The following NECTIN1 variants were observed in gnomAD, a reference collection of about 807,000 sequenced individuals.
The protein encoded by NECTIN1 is nectin cell adhesion molecule 1.
A neutral mutation model predicts 48.0 loss-of-function variants in NECTIN1; 23 were observed. The ratio of observed to expected loss-of-function variants is 0.48; its 90% CI spans 0.34 to 0.68. The LOEUF (loss-of-function observed/expected upper bound fraction) is 0.68. Ranked by LOEUF, NECTIN1 falls within the 30% of genes least tolerant of loss-of-function variation. The pLI is 0.01. For missense variants in NECTIN1, 591 were observed against 709.9 expected (o/e 0.83, Z 1.90); for synonymous variants, 270 against 288.9 (o/e 0.93, Z 0.66).
chr11:119,675,128 C>A (rs371469326), intron 5 of NECTIN1, 31 bp downstream of exon 5: 3 of 1,613,630 alleles, frequency 1.9e-6, no homozygotes, highest in Non-Finnish European at 2.5e-6. Context: ...CCCGTGGGTG[C>A]GGAGAGGCTG....
At position 119,648,394 on chromosome 11, in the gene NECTIN1, A is replaced by ATGGTGGTGATGGTGGTGGTGGTGGTGG; in HGVS notation, c.1004-8383_1004-8382insCCACCACCACCACCACCATCACCACCA. ...GGTGGTGATGGTGGTGGTGGTGGTG[A>ATGGTGGTGATGGTGGTGGTGGTGGTGG]TGGTGGTGATGGTGATGGTGGTGGT... On this transcript the variant is annotated intron_variant, in intron 5 of 7. Coordinates refer to the NECTIN1 transcript ENST00000341398. Among the ~76,000 whole-genome samples, 19 of 6,674 alleles carry ATGGTGGTGATGGTGGTGGTGGTGGTGG rather than the reference A, an allele frequency of 2.8e-3. 5 individuals are homozygous for ATGGTGGTGATGGTGGTGGTGGTGGTGG. The highest frequency in any genetic ancestry group is 3.6e-3 in the Non-Finnish European group (14 of 3,924). 4.4% of individuals were successfully genotyped at this position (6,674 alleles called of 152,430 possible).
chr11:119,694,829 G>A (rs1591471430), intron 1 of NECTIN1, among the ~76,000 whole-genome samples: 1 of 152,246 alleles, frequency 6.6e-6, no homozygotes, highest in African/African-American at 2.4e-5. Context: ...GCCCCCCCAG[G>A]CATCTTGCCC....
chr11:119,702,232 C>T (rs1743625397), intron 1 of NECTIN1, among the ~76,000 whole-genome samples: 1 of 152,226 alleles, frequency 6.6e-6, no homozygotes, highest in African/African-American at 2.4e-5. Flanking sequence ...CAGCTCTGAG[C>T]AACCAAGGCA....
At chr11:119,717,771 G>A (rs976007512) in intron 1 of NECTIN1, among the ~76,000 whole-genome samples, 1 of 152,234 alleles carries the variant, frequency 6.6e-6, no homozygotes, top group Non-Finnish European at 1.5e-5. Context: ...GGCACCTGCA[G>A]GCCCGGGGGT....
chr11:119,661,553 G>A lies in NECTIN1; in HGVS notation c.*3194C>T, dbSNP rs536746735. 1.7e-3 allele frequency: 1,700 copies of A among 985,808 alleles called. 1 individual carries two copies. The highest frequency in any genetic ancestry group is 2.0e-3 in the Non-Finnish European group (1,635 of 829,954). 61.1% of individuals were successfully genotyped at this position (985,808 alleles called of 1,614,324 possible). Reference sequence around the variant, plus strand: ...GAGCACTACCCTCCTCCCAGAAGAGGGGACATCCGTGTCTGCTTGGCTCAG... The same window carrying A: ...GAGCACTACCCTCCTCCCAGAAGAGAGGACATCCGTGTCTGCTTGGCTCAG... On this transcript the variant is annotated 3_prime_UTR_variant, in exon 6 of 6. Transcript: ENST00000264025.
intron 1 of NECTIN1, among the ~76,000 whole-genome samples, chr11:119,696,905 G>C (rs1865348813): frequency 6.6e-6 from 1 of 152,180 alleles, no homozygotes; most frequent in African/African-American, 2.4e-5. Context: ...TAGTGAGATA[G>C]CCGCGCGATG....
Position 119,664,564 on chromosome 11 carries a change from T to G in NECTIN1, c.*183A>C. The G allele has an allele frequency of 1.4e-6, 2 of 1,426,036 alleles. No homozygotes were observed. Among genetic ancestry groups the G allele is most frequent in the Non-Finnish European group, 9.2e-7 (1 of 1,092,764 alleles). The allele number at this position is 1,426,036 out of a possible 1,614,324, so 88.3% of individuals were successfully genotyped here. ...GGAAGGGCGGAGGAGAGGGAGGAAA[T>G]AAAACACAAAGCCAAGTCGTGGCTG... On this transcript the variant is annotated 3_prime_UTR_variant, in exon 6 of 6. Coordinates refer to ENST00000264025, the MANE Select transcript of NECTIN1 (RefSeq NM_002855.5).
chr11:119,695,245 A>C (rs1178720292), intron 1 of NECTIN1, among the ~76,000 whole-genome samples: 1 of 151,652 alleles, frequency 6.6e-6, no homozygotes, highest in Non-Finnish European at 1.5e-5. Context: ...TAAACTACTT[A>C]TCAGGCCTTC....
At chr11:119,652,567 A>G (rs772732218) in intron 5 of NECTIN1, among the ~76,000 whole-genome samples, 2 of 152,198 alleles carry the variant, frequency 1.3e-5, no homozygotes, top group Non-Finnish European at 2.9e-5. Context: ...TACATCTCTG[A>G]TAGTCATATG....
At chr11:119,706,896 T>C (rs557945076) in intron 1 of NECTIN1, among the ~76,000 whole-genome samples, 3 of 152,334 alleles carry the variant, frequency 2.0e-5, no homozygotes, top group African/African-American at 7.2e-5. Flanking sequence ...CGGAAGAAAC[T>C]GAGGACCAGA....
At chr11:119,685,439 C>T (rs1287441041) in intron 1 of NECTIN1, among the ~76,000 whole-genome samples, 1 of 152,204 alleles carries the variant, frequency 6.6e-6, no homozygotes, top group Non-Finnish European at 1.5e-5. Context: ...ATCTTCCAGA[C>T]AGGCCAGGCT....
chr11:119,680,251 G>A (rs1865035082), intron 1 of NECTIN1, among the ~76,000 whole-genome samples: 1 of 152,102 alleles, frequency 6.6e-6, no homozygotes, highest in African/African-American at 2.4e-5. Context: ...TCAGCACTAG[G>A]CTGTACACTC....
chr11:119,703,894 G>A (rs1378371981), intron 1 of NECTIN1, among the ~76,000 whole-genome samples: 3 of 152,190 alleles, frequency 2.0e-5, no homozygotes, highest in Admixed American at 1.3e-4. Flanking sequence ...CCAGGATGCC[G>A]GGCTCGGAAC....
chr11:119,664,810 C>G lies in NECTIN1; in HGVS notation c.1491G>C (p.Leu497Phe). Residue 497 changes from leucine to phenylalanine, a missense_variant, in exon 6 of 6, where the codon TTG becomes TTC. Leu to Phe is a conservative substitution (Grantham distance 22). Transcript: ENST00000264025. ...CGTTCTGAGAAACCATGTTCTCAGC[C>G]AAGTCCAGCTGCTCAGGGTCGTACT... ...GYQYDPEQLD[L>F]AENMVSQNDG... 6.2e-7 allele frequency: 1 copy of G among 1,613,772 alleles called. No individual in the cohort carries two copies. The highest frequency in any genetic ancestry group is 2.2e-5 in the East Asian group (1 of 44,872).
At chr11:119,638,157 C>T (rs780910043) in exon 8 of NECTIN1, 1 of 1,613,828 alleles carries the variant, frequency 6.2e-7, no homozygotes, top group South Asian at 1.1e-5. Context: ...GAGGGGGAGA[C>T]CCCCAGATCA....
chr11:119,666,188 C>T (rs1565383394), intron 5 of NECTIN1, among the ~76,000 whole-genome samples: 1 of 152,240 alleles, frequency 6.6e-6, no homozygotes, highest in Non-Finnish European at 1.5e-5. Flanking sequence ...CGAGTACACA[C>T]AAGTGGGCAC....
At chr11:119,645,000 C>A (rs1233667972) in intron 5 of NECTIN1, among the ~76,000 whole-genome samples, 1 of 152,190 alleles carries the variant, frequency 6.6e-6, no homozygotes, top group East Asian at 1.9e-4. Flanking sequence ...AAGGGCTGTC[C>A]TGGAGTCACC....
At chr11:119,674,440 G>A (rs1053943821) in intron 5 of NECTIN1, 35 of 1,583,322 alleles carry the variant, frequency 2.2e-5, no homozygotes, top group Non-Finnish European at 2.8e-5. Context: ...TGTGCTAGGT[G>A]CTTGACTTAC....
intron 5 of NECTIN1, among the ~76,000 whole-genome samples, chr11:119,648,116 G>A (rs534350577): frequency 4.3e-4 from 62 of 145,048 alleles, no homozygotes; most frequent in African/African-American, 1.4e-3. Flanking sequence ...AATAAATGAG[G>A]TAAGCACGTG....
Sources: gnomAD v4.1 joint callset for allele counts (sites outside exome capture counted in the v4.1 genomes callset) on GRCh38, gnomAD v4.1.1 for gene constraint, MANE v1.5 for transcripts, NCBI Gene and HGNC (gene_info 2026-07-23, HGNC 2026-07-21) for gene names.